Variants in CDYL2 observed in about 807,000 individuals in gnomAD.
CDYL2 encodes the protein chromodomain Y-like protein 2.
A neutral mutation model predicts 49.4 loss-of-function variants in CDYL2; 23 were observed. That is an observed-to-expected ratio of 0.47 (90% CI 0.34 to 0.66). The LOEUF (loss-of-function observed/expected upper bound fraction) is 0.66. Ranked by LOEUF, CDYL2 falls within the 30% of genes least tolerant of loss-of-function variation. The pLI, the probability that CDYL2 is intolerant of heterozygous loss-of-function variation, is 0.01. For synonymous variants in CDYL2, 360 were observed against 268.8 expected (o/e 1.34, Z -3.32); for missense variants, 678 against 656.4 (o/e 1.03, Z -0.36).
At position 80,684,636 on chromosome 16, in the gene CDYL2, C is replaced by T; in HGVS notation, c.518G>A (p.Gly173Glu). ...SEKDERHFGNGSHQPGLDLND... is the reference protein window; with the variant it reads ...SEKDERHFGNESHQPGLDLND... Reference sequence around the variant, plus strand: ...CAAATCCAAGCCAGGCTGATGGGACCCATTTCCAAAGTGCCTCTCATCCTT... The same window carrying T: ...CAAATCCAAGCCAGGCTGATGGGACTCATTTCCAAAGTGCCTCTCATCCTT... Residue 173 changes from glycine (G) to glutamate (E), a missense_variant, in exon 2 of 7, where the codon GGG (glycine) becomes GAG (glutamate). By Grantham distance (98) the Gly-to-Glu change is moderately conservative. Coordinates refer to ENST00000570137, the MANE Select transcript of CDYL2 (RefSeq NM_152342.4). 6.2e-7 allele frequency: 1 copy of T among 1,614,204 alleles called. No individual in the cohort carries two copies. Among genetic ancestry groups the T allele is most frequent in the East Asian group, 2.2e-5 (1 of 44,890 alleles).
chr16:80,703,333 A>G (rs867640669), intron 1 of CDYL2, among the ~76,000 whole-genome samples: 8 of 152,292 alleles, frequency 5.3e-5, no homozygotes, highest in African/African-American at 1.9e-4. Flanking sequence ...CCTTGATTGT[A>G]GAGGCTCTTT....
chr16:80,788,226 A>G (rs1348051304), intron 1 of CDYL2, among the ~76,000 whole-genome samples: 3 of 152,228 alleles, frequency 2.0e-5, no homozygotes, highest in Admixed American at 2.0e-4. Context: ...GTAAAAGCCA[A>G]CCAACACGAA....
chr16:80,793,959 T>C (rs1053863224), intron 1 of CDYL2, among the ~76,000 whole-genome samples: 2 of 152,212 alleles, frequency 1.3e-5, no homozygotes, highest in African/African-American at 4.8e-5. Flanking sequence ...AAACACAATC[T>C]TTGATTTGCT....
At chr16:80,625,418 T>C (rs1330669347) in intron 3 of CDYL2, among the ~76,000 whole-genome samples, 1 of 152,214 alleles carries the variant, frequency 6.6e-6, no homozygotes, top group Admixed American at 6.5e-5. Context: ...ATTGAGCCCA[T>C]CCAGGTAGTC....
intron 1 of CDYL2, among the ~76,000 whole-genome samples, chr16:80,704,641 T>A (rs978111795): frequency 6.6e-6 from 1 of 152,176 alleles, no homozygotes; most frequent in African/African-American, 2.4e-5. Flanking sequence ...ACATTCAGAA[T>A]GGAAGGAAGA....
chr16:80,757,812 A>G (rs993746954), intron 1 of CDYL2, among the ~76,000 whole-genome samples: 2 of 152,038 alleles, frequency 1.3e-5, no homozygotes, highest in Non-Finnish European at 2.9e-5. Context: ...GACCTAGGTA[A>G]ATTAGAGAGA....
intron 1 of CDYL2, among the ~76,000 whole-genome samples, chr16:80,698,425 A>G (rs912769320): frequency 2.0e-5 from 3 of 152,204 alleles, no homozygotes; most frequent in Non-Finnish European, 4.4e-5. Context: ...CAAATAGCTG[A>G]ATTAAAAAAT....
rs1457902227 is a variant in CDYL2 at position 80,601,907 on chromosome 16, A to G, written c.*2481T>C. On this transcript the variant is annotated 3_prime_UTR_variant, in exon 7 of 7. Coordinates refer to ENST00000570137, the MANE Select transcript of CDYL2 (RefSeq NM_152342.4). ...TGAAATGTTTAGAAGTTTGGATTTG[A>G]TAGTACATCCAAAGCTGAAGCATTT... is the stretch of plus-strand genomic sequence containing the variant. 6.6e-6 allele frequency: 1 copy of G among 152,194 alleles called. No individual in the cohort carries two copies. Among genetic ancestry groups the G allele is most frequent in the Non-Finnish European group, 1.5e-5 (1 of 68,032 alleles). The allele number at this position is 152,194 out of a possible 1,614,324, so 9.4% of individuals were successfully genotyped here. A position where few individuals can be genotyped will look rare whatever the true frequency, so the allele number is the denominator to read the frequency against.
chr16:80,620,251 G>T (rs1907019371), intron 4 of CDYL2, among the ~76,000 whole-genome samples: 1 of 152,204 alleles, frequency 6.6e-6, no homozygotes, highest in African/African-American at 2.4e-5. Flanking sequence ...TTGCCCAGGG[G>T]CAATTAGAAA....
chr16:80,616,449 C>T (rs1906830943), intron 4 of CDYL2, among the ~76,000 whole-genome samples: 1 of 152,158 alleles, frequency 6.6e-6, no homozygotes, highest in African/African-American at 2.4e-5. Flanking sequence ...TACAGGTGAC[C>T]CAGCAGCAAA....
At chr16:80,676,854 G>C (rs560878782) in intron 2 of CDYL2, among the ~76,000 whole-genome samples, 2 of 151,912 alleles carry the variant, frequency 1.3e-5, no homozygotes, top group Admixed American at 1.3e-4. Context: ...TAGAATGTGT[G>C]GTCAGATGAT....
At chr16:80,621,254 G>T (rs1215122656) in intron 3 of CDYL2, among the ~76,000 whole-genome samples, 1 of 152,232 alleles carries the variant, frequency 6.6e-6, no homozygotes, top group Admixed American at 6.5e-5. Flanking sequence ...TGCAAATCTT[G>T]TTCTGGCATT....
At position 80,672,352 on chromosome 16, in the gene CDYL2, C is replaced by CACACACACACAGAG. The variant is rs68130206; in HGVS notation, c.616+12185_616+12186insCTCTGTGTGTGTGT. 1.1e-3 allele frequency among the ~76,000 whole-genome samples: 124 copies of CACACACACACAGAG among 117,836 alleles called. 1 individual carries two copies. The highest frequency in any genetic ancestry group is 8.4e-3 in the Middle Eastern group (2 of 238). 77.3% of individuals were successfully genotyped at this position (117,836 alleles called of 152,430 possible). ...ACACACACACACACACACACACACA[C>CACACACACACAGAG]AGAGAGAGAGAGAGAGATGAGTAGA... On this transcript the variant is annotated intron_variant, in intron 2 of 6. Transcript: ENST00000570137.
intron 2 of CDYL2, among the ~76,000 whole-genome samples, chr16:80,682,567 G>A (rs1317285443): frequency 6.6e-6 from 1 of 152,174 alleles, no homozygotes; most frequent in Non-Finnish European, 1.5e-5. Flanking sequence ...CCTTCACACT[G>A]CAGACTGTCA....
chr16:80,607,860 C>G (rs1385437371), intron 6 of CDYL2, among the ~76,000 whole-genome samples: 1 of 152,234 alleles, frequency 6.6e-6, no homozygotes, highest in African/African-American at 2.4e-5. Context: ...ATCCATCTCT[C>G]CTGTGAGGTT....
At chr16:80,722,487 G>A (rs368717459) in intron 1 of CDYL2, among the ~76,000 whole-genome samples, 11 of 152,192 alleles carry the variant, frequency 7.2e-5, no homozygotes, top group South Asian at 2.1e-4. Flanking sequence ...ACACCTTATC[G>A]AGCCAACAAC....
At chr16:80,698,664 T>C (rs1201347013) in intron 1 of CDYL2, among the ~76,000 whole-genome samples, 1 of 152,110 alleles carries the variant, frequency 6.6e-6, no homozygotes, top group Non-Finnish European at 1.5e-5. Context: ...CAAGATCTGA[T>C]TGTTTCAAAG....
At chr16:80,618,278 C>A (rs1051013711) in intron 4 of CDYL2, among the ~76,000 whole-genome samples, 1 of 152,202 alleles carries the variant, frequency 6.6e-6, no homozygotes, top group Admixed American at 6.5e-5. Flanking sequence ...GGCCTCAGGC[C>A]CCAGCCACGT....
intron 1 of CDYL2, among the ~76,000 whole-genome samples, chr16:80,724,302 G>A (rs931831118): frequency 1.3e-5 from 2 of 151,572 alleles, no homozygotes; most frequent in African/African-American, 4.9e-5. Context: ...GAAAGGAGAA[G>A]AGAGAGAGGA....
Sources: allele counts gnomAD v4.1 joint callset (sites outside exome capture counted in the v4.1 genomes callset), GRCh38; gene constraint gnomAD v4.1.1; transcripts MANE v1.5; gene names NCBI Gene and HGNC (gene_info 2026-07-23, HGNC 2026-07-21).